The following CFAP46 variants were observed in gnomAD, a reference collection of about 807,000 sequenced individuals.
CFAP46 encodes the protein cilia and flagella associated protein 46, also known as cilia- and flagella-associated protein 46.
CFAP46 carries 245 observed loss-of-function variants against 325.7 expected under a neutral mutation model. The observed-to-expected ratio is 0.75, with a 90% CI of 0.68 to 0.84. The LOEUF is 0.84. CFAP46 is among the 40% of genes least tolerant of loss of function. CFAP46 has a pLI of 0.00. For synonymous variants in CFAP46, 1,523 were observed against 1,495.9 expected, an observed-to-expected ratio of 1.02 and a Z score of -0.42; for missense variants, 3,346 against 3,543.0, an observed-to-expected ratio of 0.94 and a Z score of 1.41.
rs1019198160 is a variant in CFAP46, at chr10:132,827,310, G to A, written c.7117+6048C>T. Among the ~76,000 whole-genome samples the A allele has an allele frequency of 4.6e-5, 7 of 152,106 alleles. No homozygotes were observed. Among genetic ancestry groups the A allele is most frequent in the African/African-American group, 1.2e-4 (5 of 41,432 alleles). On this transcript the variant is annotated intron_variant, in intron 50 of 57. Transcript: ENST00000368586. The surrounding 1 kb of genome is among the most constrained non-coding windows in gnomAD (Gnocchi z 5.7). ...GGCACCCAGTGGGCCAGAATCAGACGGAGAACAGCTATAAGCTGCCACGCC... is the reference window on the plus strand; with the variant it reads ...GGCACCCAGTGGGCCAGAATCAGACAGAGAACAGCTATAAGCTGCCACGCC...
chr10:132,830,761 T>TGGTTTG (rs1264258916), intron 50 of CFAP46, among the ~76,000 whole-genome samples: 2 of 152,236 alleles, frequency 1.3e-5, no homozygotes, highest in Non-Finnish European at 2.9e-5. Context: ...CACTTGCTTC[T>TGGTTTG]GGTTTGTGTT....
chr10:132,931,880 T>TC (rs1219976885), intron 8 of CFAP46, among the ~76,000 whole-genome samples: 1 of 119,362 alleles, frequency 8.4e-6, no homozygotes, highest in Non-Finnish European at 1.7e-5. Context: ...GCCTGGGCCT[T>TC]CCCCACATTC....
chr10:132,893,565 G>A (rs913947447), intron 24 of CFAP46, among the ~76,000 whole-genome samples: 3 of 152,130 alleles, frequency 2.0e-5, no homozygotes, highest in African/African-American at 4.8e-5. Flanking sequence ...ATAAAATCCT[G>A]CCTTTCTCAC....
rs1465225724 is a variant in CFAP46 at position 132,885,965 on chromosome 10, A to T, written c.3305-6T>A. Reference sequence around the variant, plus strand: ...CGCCAGGTCGTCCTCAGCCCCTGGGAGGGAGAAGGAGGGGTGTCCTTGGAG... The same window carrying T: ...CGCCAGGTCGTCCTCAGCCCCTGGGTGGGAGAAGGAGGGGTGTCCTTGGAG... On this transcript the variant is annotated splice_region_variant and splice_polypyrimidine_tract_variant and intron_variant, in intron 25 of 57. Coordinates refer to ENST00000368586, the MANE Select transcript of CFAP46 (RefSeq NM_001200049.3). 10 of 1,548,828 alleles carry T rather than the reference A, an allele frequency of 6.5e-6. No individual in the cohort carries two copies. In the Admixed American group the frequency reaches 1.2e-4, roughly 18 times the overall value.
intron 50 of CFAP46, among the ~76,000 whole-genome samples, chr10:132,822,004 G>GTA (rs1847854338): frequency 7.3e-6 from 1 of 137,882 alleles, no homozygotes; most frequent in South Asian, 2.4e-4. Flanking sequence ...TGTGTGTGCT[G>GTA]TGTGTGCTGA....
chr10:132,923,102 C>T (rs1271810854), intron 11 of CFAP46, among the ~76,000 whole-genome samples: 2 of 152,314 alleles, frequency 1.3e-5, no homozygotes, highest in East Asian at 1.9e-4. Context: ...GAGGAAGGGC[C>T]GTGCGGAGCA....
rs116082757 is a variant in CFAP46, at chr10:132,847,617, G to A, written c.5953-296C>T. On this transcript the variant is annotated intron_variant, in intron 41 of 57. Transcript: ENST00000368586. This position sits in a 1 kb window ranked among gnomAD's most constrained non-coding sequence, Gnocchi z 5.2. Reference sequence around the variant, plus strand: ...AAGCCGGCCTGAGTCACGTGGGCCTGGAATCCAACACATTCCCAGGGGGCT... The same window carrying A: ...AAGCCGGCCTGAGTCACGTGGGCCTAGAATCCAACACATTCCCAGGGGGCT... 7.2e-3 allele frequency among the ~76,000 whole-genome samples: 1,094 copies of A among 152,114 alleles called. 16 individuals carry two copies. Among genetic ancestry groups the A allele is most frequent in the African/African-American group, 0.024 (986 of 41,504 alleles).
At chr10:132,902,705 A>C (rs1849407670) in intron 22 of CFAP46, among the ~76,000 whole-genome samples, 1 of 152,120 alleles carries the variant, frequency 6.6e-6, no homozygotes, top group Non-Finnish European at 1.5e-5. Flanking sequence ...GTAATTTCTT[A>C]CTTTATGCTG....
Position 132,877,875 on chromosome 10 carries a change from C to T in CFAP46, c.4212+6G>A, listed in dbSNP as rs191808867. On this transcript the variant is annotated splice_donor_region_variant and intron_variant, in intron 30 of 57. Transcript: ENST00000368586. The surrounding 1 kb of genome is among the most constrained non-coding windows in gnomAD (Gnocchi z 5.7). Reference sequence around the variant, plus strand: ...GGCCTCTGCACCGTGGCCACTTGGGCATCACCTGCTTGGGCTCCTTGACTT... The same window carrying T: ...GGCCTCTGCACCGTGGCCACTTGGGTATCACCTGCTTGGGCTCCTTGACTT... 1.1e-4 allele frequency: 170 copies of T among 1,548,988 alleles called. 1 individual carries two copies. In the African/African-American group the frequency reaches 2.1e-3, roughly 20 times the overall value.
intron 50 of CFAP46, among the ~76,000 whole-genome samples, chr10:132,825,946 C>A (rs973264947): frequency 7.2e-6 from 1 of 139,712 alleles, no homozygotes; most frequent in South Asian, 2.3e-4. Context: ...GTGGGTGGAA[C>A]ACGGCCGGCC....
chr10:132,916,638 G>C lies in CFAP46; in HGVS notation c.2031C>G (p.Asp677Glu). The change falls in exon 17 of 58, where the codon GAC becomes GAG. Residue 677 changes from aspartate (D) to glutamate (E), a missense_variant. Coordinates refer to ENST00000368586, the MANE Select transcript of CFAP46 (RefSeq NM_001200049.3). Reference sequence around the variant, plus strand: ...TCAGGTCTTCGGGGGGGATGGCCCGGTCATTCAGCTCTACACCTTCTGACC... The same window carrying C: ...TCAGGTCTTCGGGGGGGATGGCCCGCTCATTCAGCTCTACACCTTCTGACC... ...LLRSEGVELNDRAIPPEDLSQ... is the reference protein window; with the variant it reads ...LLRSEGVELNERAIPPEDLSQ... The C allele has an allele frequency of 7.2e-6, 11 of 1,535,528 alleles. No homozygotes were observed. The highest frequency in any genetic ancestry group is 9.6e-6 in the Non-Finnish European group (11 of 1,140,170).
At position 132,851,291 on chromosome 10, in the gene CFAP46, G is replaced by C. The variant is rs746460698; in HGVS notation, c.5589C>G (p.Asn1863Lys). Residue 1863 changes from asparagine to lysine, a missense_variant, in exon 40 of 58, where the codon AAC (asparagine) becomes AAG (lysine). Physicochemically the swap from Asn to Lys is moderately conservative, Grantham distance 94 (BLOSUM62 0). Coordinates refer to ENST00000368586, the MANE Select transcript of CFAP46 (RefSeq NM_001200049.3). ...LLSLQDLQNV[N>K]TPLMRKLARL... ...GCGCCAGCTTCCTCATCAGGGGCGT[G>C]TTGACGTTCTGCAACTGAGGGGGTC... 1 of 1,613,630 alleles carries C rather than the reference G, an allele frequency of 6.2e-7. No homozygotes were observed. The highest frequency in any genetic ancestry group is 8.5e-7 in the Non-Finnish European group (1 of 1,179,916).
intron 22 of CFAP46, among the ~76,000 whole-genome samples, chr10:132,906,975 G>A (rs1849465900): frequency 6.6e-6 from 1 of 152,272 alleles, no homozygotes; most frequent in African/African-American, 2.4e-5. Context: ...GTGCCTCTGA[G>A]CACCCAGGAG....
chr10:132,844,438 A>C (rs1438526200), intron 44 of CFAP46, among the ~76,000 whole-genome samples: 3 of 152,150 alleles, frequency 2.0e-5, no homozygotes, highest in African/African-American at 7.2e-5. Context: ...TAACTTCAAA[A>C]ATATGAGGCT....
At position 132,929,739 on chromosome 10, in the gene CFAP46, G is replaced by T; in HGVS notation, c.932C>A (p.Ala311Asp). The T allele has an allele frequency of 2.5e-6, 4 of 1,613,798 alleles. No individual in the cohort carries two copies. Among genetic ancestry groups the T allele is most frequent in the Non-Finnish European group, 2.5e-6 (3 of 1,179,932 alleles). Residue 311 changes from alanine (A) to aspartate (D), a missense_variant, in exon 9 of 58, where the codon GCC becomes GAC. By Grantham distance (126) the Ala-to-Asp change is moderately radical. Transcript: ENST00000368586. ...LTLKCMEISS[A>D]CLSDLKKMES... is the part of the protein sequence containing the mutation. ...CATCTTCTTCAGGTCTGAGAGGCAG[G>T]CAGAGGAGATCTCCATGCATTTCAA... is the stretch of plus-strand genomic sequence containing the variant.
At chr10:132,853,202 T>C (rs1344352043) in intron 39 of CFAP46, among the ~76,000 whole-genome samples, 1 of 152,238 alleles carries the variant, frequency 6.6e-6, no homozygotes, top group Non-Finnish European at 1.5e-5. Flanking sequence ...AGATGTCCTT[T>C]ATCAGGTTGA....
At chr10:132,912,970 G>T in intron 18 of CFAP46, 76 bp downstream of exon 18, 1 of 1,509,494 alleles carries the variant, frequency 6.6e-7, no homozygotes, top group Non-Finnish European at 8.9e-7. Flanking sequence ...ATGGAGTGCA[G>T]CTGCCTGCCT....
rs1048852472 is a variant in CFAP46, at chr10:132,899,182, C to T, written c.3057-61G>A. On this transcript the variant is annotated intron_variant, in intron 23 of 57. Transcript: ENST00000368586. Reference sequence around the variant, plus strand: ...CTGGGCCCACCTGGAGCTGCTGGACCAGGAGGGACAGGAAGGTCGGGCGCC... The same window carrying T: ...CTGGGCCCACCTGGAGCTGCTGGACTAGGAGGGACAGGAAGGTCGGGCGCC... 24 of 1,501,136 alleles carry T rather than the reference C, an allele frequency of 1.6e-5. No homozygotes were observed. In the African/African-American group the frequency reaches 2.9e-4, roughly 18 times the overall value. 93.0% of individuals were successfully genotyped at this position (1,501,136 alleles called of 1,614,324 possible).
At chr10:132,879,294 T>G (rs1849002916) in intron 29 of CFAP46, 132 bp downstream of exon 29, 1 of 878,472 alleles carries the variant, frequency 1.1e-6, no homozygotes, top group East Asian at 2.8e-5. Flanking sequence ...AGGAAATTGC[T>G]CACATCTCAA....
Sources: gnomAD v4.1 joint callset for allele counts (sites outside exome capture counted in the v4.1 genomes callset) on GRCh38, gnomAD v4.1.1 for gene constraint, Gnocchi (gnomAD v3.1) non-coding constraint, MANE v1.5 for transcripts, NCBI Gene and HGNC (gene_info 2026-07-23, HGNC 2026-07-21) for gene names.